The following INVS variants were observed in gnomAD, a reference collection of about 807,000 sequenced individuals.
INVS encodes the protein inversion of embryo turning homolog.
INVS carries 86 observed loss-of-function variants against 108.8 expected under a neutral mutation model. The observed-to-expected ratio is 0.79, with a 90% CI of 0.66 to 0.95. The LOEUF is 0.95. INVS is among the 40% of genes least tolerant of loss of function. The pLI is 0.00. For synonymous variants in INVS, 455 were observed against 473.5 expected, an observed-to-expected ratio of 0.96 and a Z score of 0.51; for missense variants, 1,169 against 1,297.4, an observed-to-expected ratio of 0.90 and a Z score of 1.52.
At chr9:100,297,850 C>A in intron 15 of INVS, 86 bp from the exon 16 acceptor site, 1 of 1,349,834 alleles carries the variant, frequency 7.4e-7, no homozygotes, top group Non-Finnish European at 1.1e-6. Flanking sequence ...CAAGCTCAAG[C>A]CTTTACCACA....
At chr9:100,143,246 C>T (rs1030186472) in intron 3 of INVS, among the ~76,000 whole-genome samples, 4 of 152,008 alleles carry the variant, frequency 2.6e-5, no homozygotes, top group African/African-American at 4.8e-5. Flanking sequence ...GGGTTTGGCA[C>T]CACGGGGTAG....
At chr9:100,135,343 G>T (rs935050660) in intron 3 of INVS, among the ~76,000 whole-genome samples, 3 of 152,092 alleles carry the variant, frequency 2.0e-5, no homozygotes, top group Non-Finnish European at 4.4e-5. Context: ...TTATCCAGGG[G>T]TTCTTAGATG....
intron 3 of INVS, among the ~76,000 whole-genome samples, chr9:100,176,455 T>C (rs10819732): frequency 0.21 from 31,988 of 152,038 alleles, 5,722 homozygotes; most frequent in African/African-American, 0.49. Context: ...TTTCTGGGAT[T>C]GGGGGTCTTT....
rs1170953136 is a variant in INVS, at chr9:100,252,943, A to G, written c.1271A>G (p.His424Arg). 1 of 1,613,344 alleles carries G rather than the reference A, an allele frequency of 6.2e-7. No individual in the cohort carries two copies. The highest frequency in any genetic ancestry group is 8.5e-7 in the Non-Finnish European group (1 of 1,179,718). The change falls in exon 10 of 17, where the codon CAT becomes CGT. Residue 424 changes from histidine (H) to arginine (R), a missense_variant. Coordinates refer to ENST00000262457, the MANE Select transcript of INVS (RefSeq NM_014425.5). ...GTAGATCTAGTTGACCAAGATGGAC[A>G]TTCTCTTCTACATTGGGCAGCACTG... ...ARVDLVDQDGHSLLHWAALGG... is the reference protein window; with the variant it reads ...ARVDLVDQDGRSLLHWAALGG...
At chr9:100,157,282 T>TTTTTTTTTTTTG (rs1829024008) in intron 3 of INVS, among the ~76,000 whole-genome samples, 2 of 150,138 alleles carry the variant, frequency 1.3e-5, no homozygotes, top group Admixed American at 6.6e-5. Flanking sequence ...TTTTTTTTTT[T>TTTTTTTTTTTTG]GAGGCAGAGT....
At chr9:100,204,439 A>C (rs1031357768) in intron 3 of INVS, among the ~76,000 whole-genome samples, 42 of 152,198 alleles carry the variant, frequency 2.8e-4, no homozygotes, top group Non-Finnish European at 2.9e-5. Flanking sequence ...ACAGGTATCT[A>C]TCTCTTTAGT....
intron 10 of INVS, among the ~76,000 whole-genome samples, chr9:100,257,839 C>T (rs1363738469): frequency 6.6e-6 from 1 of 152,190 alleles, no homozygotes; most frequent in Non-Finnish European, 1.5e-5. Context: ...CTGCCCTTAA[C>T]ATTTTTTCCT....
intron 12 of INVS, among the ~76,000 whole-genome samples, chr9:100,277,028 T>A (rs2118689952): frequency 6.6e-6 from 1 of 152,302 alleles, no homozygotes; most frequent in South Asian, 2.1e-4. Context: ...ACGTCCAGTT[T>A]TGGTAACCCA....
intron 3 of INVS, among the ~76,000 whole-genome samples, chr9:100,132,394 A>G (rs1399146330): frequency 6.6e-6 from 1 of 152,124 alleles, no homozygotes; most frequent in African/African-American, 2.4e-5. Context: ...TGCAATCAGG[A>G]TTTTTTAAGA....
intron 4 of INVS, among the ~76,000 whole-genome samples, chr9:100,226,543 T>A (rs1831328601): frequency 6.6e-6 from 1 of 152,092 alleles, no homozygotes; most frequent in Admixed American, 6.6e-5. Flanking sequence ...CCGGGCGCAT[T>A]GGCTCATGCC....
At chr9:100,285,864 C>T (rs925575450) in intron 13 of INVS, among the ~76,000 whole-genome samples, 3 of 152,106 alleles carry the variant, frequency 2.0e-5, no homozygotes, top group South Asian at 2.1e-4. Flanking sequence ...ATTGTTTGCA[C>T]GAAGCAATTT....
At chr9:100,219,998 G>A (rs1192918293) in intron 3 of INVS, among the ~76,000 whole-genome samples, 1 of 151,720 alleles carries the variant, frequency 6.6e-6, no homozygotes, top group East Asian at 1.9e-4. Context: ...ATGGAATTGG[G>A]GACACAAAGG....
chr9:100,104,794 C>T (rs1361200587), intron 2 of INVS, among the ~76,000 whole-genome samples, 167 bp downstream of exon 2: 1 of 152,118 alleles, frequency 6.6e-6, no homozygotes, highest in African/African-American at 2.4e-5. Context: ...AGTCCTAAAA[C>T]TTAAAAATAT....
chr9:100,302,121 A>G lies in INVS; in HGVS notation c.*1447A>G. On this transcript the variant is annotated 3_prime_UTR_variant, in exon 17 of 17. Coordinates refer to ENST00000262457, the MANE Select transcript of INVS (RefSeq NM_014425.5). ...TCAGCTTTAATGACAAAGATCTATT[A>G]CATCAGTCTTTTTCTTCAAATAAGA... 1.1e-6 allele frequency: 1 copy of G among 895,492 alleles called. No homozygotes were observed. The allele number at this position is 895,492 out of a possible 1,614,324, so 55.5% of individuals were successfully genotyped here. A position where few individuals can be genotyped will look rare whatever the true frequency, so the allele number is the denominator to read the frequency against.
intron 3 of INVS, among the ~76,000 whole-genome samples, chr9:100,180,710 G>A (rs762075936): frequency 2.0e-5 from 3 of 152,102 alleles, no homozygotes; most frequent in Non-Finnish European, 2.9e-5. Flanking sequence ...ACAGAAAGGA[G>A]CTGGTACCAT....
chr9:100,251,303 C>T lies in INVS; in HGVS notation c.1079-980C>T, dbSNP rs144133622. Among the ~76,000 whole-genome samples, 15 of 152,292 alleles carry T rather than the reference C, an allele frequency of 9.8e-5. No homozygotes were observed. The East Asian group carries it at 2.9e-3, about 29-fold the overall frequency. ...GCATCCAGGTTTGCTCTGTGGATCA[C>T]CCTTTATGAAAGAGACATTGTTCTA... On this transcript the variant is annotated intron_variant, in intron 8 of 16. Transcript: ENST00000262457.
chr9:100,131,855 A>G (rs895458328), intron 3 of INVS: 11 of 858,668 alleles, frequency 1.3e-5, no homozygotes, highest in Non-Finnish European at 1.5e-5. Context: ...ATGAAAATTG[A>G]ATGTTTATTT....
At chr9:100,268,367 A>G (rs777182227) in intron 11 of INVS, among the ~76,000 whole-genome samples, 16 of 152,236 alleles carry the variant, frequency 1.1e-4, no homozygotes, top group Non-Finnish European at 1.8e-4. Flanking sequence ...TTCTCCAGAT[A>G]TCGGGATATT....
At chr9:100,167,567 A>G (rs1829406158) in intron 3 of INVS, among the ~76,000 whole-genome samples, 1 of 152,166 alleles carries the variant, frequency 6.6e-6, no homozygotes. Context: ...ACCTCACCTC[A>G]CACATTGTAT....
Sources: allele counts gnomAD v4.1 joint callset (sites outside exome capture counted in the v4.1 genomes callset), GRCh38; gene constraint gnomAD v4.1.1; transcripts MANE v1.5; gene names NCBI Gene and HGNC (gene_info 2026-07-23, HGNC 2026-07-21).